Variants in POC1B observed in about 807,000 individuals in gnomAD.
POC1B encodes POC1 centriolar protein homolog B.
In POC1B, 44 loss-of-function variants were observed where a neutral mutation model predicts 60.6. The ratio of observed to expected loss-of-function variants is 0.73; its 90% CI spans 0.57 to 0.93. The LOEUF is 0.93. Ranked by LOEUF, POC1B falls within the 40% of genes least tolerant of loss-of-function variation. POC1B has a pLI of 0.00. For synonymous variants in POC1B, 180 were observed against 198.9 expected (o/e 0.90, Z 0.80); for missense variants, 555 against 572.3 (o/e 0.97, Z 0.31).
At chr12:89,523,409 G>C (rs747590451) in intron 2 of POC1B, 2 of 1,613,870 alleles carry the variant, frequency 1.2e-6, no homozygotes, top group African/African-American at 2.7e-5. Context: ...TCTGCTGCCC[G>C]AGCAGTATTC....
chr12:89,476,714 A>ATAGATAGATAGAT (rs1191841938), intron 4 of POC1B, among the ~76,000 whole-genome samples: 3 of 99,280 alleles, frequency 3.0e-5, no homozygotes, highest in African/African-American at 1.1e-4. Flanking sequence ...AGATAGATAG[A>ATAGATAGATAGAT]TAGATAGATA....
At chr12:89,413,564 G>A in the POC1B span, among the ~76,000 whole-genome samples, 1 of 152,286 alleles carries the variant, frequency 6.6e-6, no homozygotes, top group Admixed American at 6.5e-5. Flanking sequence ...GTTGTTCAGT[G>A]AAGTTTAAGT....
In POC1B at chr12:89,425,181, G is replaced by C. The variant is rs570958164; in HGVS notation, c.1312C>G (p.Gln438Glu). The change falls in exon 11 of 12, where the codon CAA becomes GAA. Residue 438 changes from glutamine (Q) to glutamate (E), a missense_variant. By Grantham distance (29) the Gln-to-Glu change is conservative. Coordinates refer to ENST00000313546, the MANE Select transcript of POC1B (RefSeq NM_172240.3). Reference protein sequence around the residue: ...VTDALEHIMEQLNVLTQTVSI... With the variant: ...VTDALEHIMEELNVLTQTVSI... ...CCCACCTGTGTCAAAACATTGAGTT[G>C]TTCCATAATATGCTCTAAAGCATCA... 1 of 1,614,126 alleles carries C rather than the reference G, an allele frequency of 6.2e-7. No individual in the cohort carries two copies. The highest frequency in any genetic ancestry group is 1.3e-5 in the African/African-American group (1 of 75,044).
chr12:89,459,610 C>CAAA lies in POC1B; in HGVS notation c.1113+25_1113+27dup, dbSNP rs35166321. 0.016 allele frequency: 14,327 copies of CAAA among 877,594 alleles called. 58 individuals carry two copies. Among genetic ancestry groups the CAAA allele is most frequent in the Middle Eastern group, 0.02 (61 of 3,040 alleles). 54.4% of individuals were successfully genotyped at this position (877,594 alleles called of 1,614,324 possible). On this transcript the variant is annotated intron_variant, in intron 10 of 11. Coordinates refer to ENST00000313546, the MANE Select transcript of POC1B (RefSeq NM_172240.3). ...AAATGATTAAATGCCACTTAAGTGT[C>CAAA]AAAAAAAAAAAAAAAAACCCGACTT...
intron 10 of POC1B, chr12:89,429,056 G>A (rs929688265): frequency 6.6e-6 from 1 of 152,162 alleles, no homozygotes; most frequent in South Asian, 2.1e-4. Context: ...GAGGTTTGCA[G>A]TCAAGGTCGT....
intron 1 of POC1B, chr12:89,525,577 G>A (rs2135785952): frequency 2.3e-6 from 3 of 1,293,164 alleles, no homozygotes; most frequent in South Asian, 5.3e-5. Flanking sequence ...TACTTCCTAG[G>A]TGATTCTGAC....
intron 2 of POC1B, chr12:89,522,468 T>C: frequency 2.8e-6 from 1 of 353,624 alleles, no homozygotes; most frequent in Admixed American, 4.6e-5. Context: ...TCAACATAAA[T>C]CATACCTCAT....
At chr12:89,404,890 T>G in the POC1B span, among the ~76,000 whole-genome samples, 1 of 152,128 alleles carries the variant, frequency 6.6e-6, no homozygotes, top group African/African-American at 2.4e-5. Context: ...TTCTTCAACT[T>G]GTCTACCTCC....
At chr12:89,445,320 C>G (rs1002491698) in intron 10 of POC1B, among the ~76,000 whole-genome samples, 1 of 152,106 alleles carries the variant, frequency 6.6e-6, no homozygotes, top group African/African-American at 2.4e-5. Context: ...GCCAAAAGAA[C>G]AAAGCTGGAG....
At chr12:89,491,842 G>A (rs1453126921) in intron 4 of POC1B, 94 bp downstream of exon 4, 2 of 1,036,326 alleles carry the variant, frequency 1.9e-6, no homozygotes, top group East Asian at 2.6e-5. Flanking sequence ...ATGAATGAAT[G>A]AATATGTCCT....
chr12:89,472,120 C>T (rs770862455), intron 5 of POC1B, 48 bp downstream of exon 5: 1 of 1,199,998 alleles, frequency 8.3e-7, no homozygotes, highest in South Asian at 1.3e-5. Context: ...AATCAAACGT[C>T]TCCTTAGAAA....
intron 2 of POC1B, chr12:89,500,769 A>T: frequency 1.9e-6 from 2 of 1,043,392 alleles, no homozygotes; most frequent in Non-Finnish European, 2.9e-6. Flanking sequence ...AATAGATAAT[A>T]AAGTATCAGA....
chr12:89,524,777 T>A, intron 2 of POC1B: 1 of 624,686 alleles, frequency 1.6e-6, no homozygotes, highest in Non-Finnish European at 2.8e-6. Context: ...CCTGCTCGGC[T>A]CACAACTTTT....
At chr12:89,417,477 G>A (rs12319715), downstream of POC1B, among the ~76,000 whole-genome samples, 1,124 of 152,310 alleles carry the variant, frequency 7.4e-3, 14 homozygotes, top group African/African-American at 0.025. Flanking sequence ...GGCAATGTCT[G>A]ATTCGTGAGT....
rs183076143 is a variant in POC1B, at chr12:89,522,421, T to A, written c.100+2699A>T. On this transcript the variant is annotated intron_variant, in intron 2 of 11. Coordinates refer to ENST00000313546, the MANE Select transcript of POC1B (RefSeq NM_172240.3). ...ATGGCTCAAACTGCACATTCATGAGTTTTGTTAAAAAGTGGGATGTGCGGT... is the reference window on the plus strand; with the variant it reads ...ATGGCTCAAACTGCACATTCATGAGATTTGTTAAAAAGTGGGATGTGCGGT... 7.8e-5 allele frequency: 29 copies of A among 371,992 alleles called. No individual in the cohort carries two copies. The Admixed American group carries it at 1.0e-3, about 13-fold the overall frequency. The allele number at this position is 371,992 out of a possible 1,614,324, so 23.0% of individuals were successfully genotyped here. A position where few individuals can be genotyped will look rare whatever the true frequency, so the allele number is the denominator to read the frequency against.
intron 6 of POC1B, 90 bp from the exon 7 acceptor site, chr12:89,470,584 C>T (rs1882852571): frequency 1.8e-6 from 2 of 1,103,530 alleles, no homozygotes; most frequent in African/African-American, 3.1e-5. Flanking sequence ...AGGTTGTAAA[C>T]AAGAGCACTG....
intron 10 of POC1B, among the ~76,000 whole-genome samples, chr12:89,441,990 C>G (rs1881545597): frequency 6.6e-6 from 1 of 152,070 alleles, no homozygotes; most frequent in African/African-American, 2.4e-5. Flanking sequence ...CTGATTCAAT[C>G]AAGTGGAAGA....
the POC1B span, among the ~76,000 whole-genome samples, chr12:89,405,991 T>G: frequency 2.7e-5 from 4 of 150,024 alleles, no homozygotes; most frequent in East Asian, 7.7e-4. Flanking sequence ...TTTGAGTGTT[T>G]TTTTTTTTTT....
chr12:89,436,692 C>T lies in POC1B; in HGVS notation c.1114-11313G>A, dbSNP rs539282029. 3.6e-4 allele frequency among the ~76,000 whole-genome samples: 54 copies of T among 150,464 alleles called. 1 individual carries two copies. The South Asian group carries it at 8.4e-3, about 23-fold the overall frequency. The stretch of plus-strand genomic sequence containing the variant: ...TCGCTATACTGTATTCCAGCTTGGG[C>T]GATGGAGCAAGACTCAATCTCAAAA... On this transcript the variant is annotated intron_variant, in intron 10 of 11. Coordinates refer to ENST00000313546, the MANE Select transcript of POC1B (RefSeq NM_172240.3).
Sources: gnomAD v4.1 joint callset for allele counts (sites outside exome capture counted in the v4.1 genomes callset) on GRCh38, gnomAD v4.1.1 for gene constraint, MANE v1.5 for transcripts, NCBI Gene and HGNC (gene_info 2026-07-23, HGNC 2026-07-21) for gene names.